The following DLG4 variants were observed in gnomAD, a reference collection of about 807,000 sequenced individuals.
DLG4 encodes the protein discs large MAGUK scaffold protein 4.
DLG4 carries 7 observed loss-of-function variants against 93.8 expected under a neutral mutation model. The ratio of observed to expected loss-of-function variants is 0.07; its 90% confidence interval spans 0.04 to 0.14. DLG4 has a LOEUF of 0.14. Ranked by LOEUF, DLG4 falls within the 10% of genes least tolerant of loss-of-function variation. The pLI is 1.00. For synonymous variants in DLG4, 341 were observed against 387.6 expected (o/e 0.88, Z 1.41); for missense variants, 545 against 992.9 (o/e 0.55, Z 6.06).
chr17:7,205,294 C>T, intron 2 of DLG4: 2 of 545,408 alleles, frequency 3.7e-6, no homozygotes, highest in Non-Finnish European at 2.3e-6. Context: ...TGACGTCAAT[C>T]GCCTGGTCTC....
chr17:7,193,765 GC>G lies in DLG4; in HGVS notation c.1544-52del. ...GGGGCTCTGAAACAGGGGACCTGGAGCCCTGTCTCCCCCTTGAGGATATCAA... is the reference window on the plus strand; with the variant it reads ...GGGGCTCTGAAACAGGGGACCTGGAGCCTGTCTCCCCCTTGAGGATATCAA... On this transcript the variant is annotated intron_variant, in intron 14 of 19. Transcript: ENST00000399506. The surrounding 1 kb of genome is among the most constrained non-coding windows in gnomAD (Gnocchi z 6.7). The G allele has an allele frequency of 6.2e-7, 1 of 1,609,958 alleles. No individual in the cohort carries two copies. Among genetic ancestry groups the G allele is most frequent in the South Asian group, 1.1e-5 (1 of 90,444 alleles).
Position 7,196,138 on chromosome 17 carries a change from A to T in DLG4, c.1301+82T>A, listed in dbSNP as rs2069768886. The T allele has an allele frequency of 3.9e-6, 4 of 1,028,734 alleles. No homozygotes were observed. Among genetic ancestry groups the T allele is most frequent in the Non-Finnish European group, 5.8e-6 (4 of 695,116 alleles). 63.7% of individuals were successfully genotyped at this position (1,028,734 alleles called of 1,614,324 possible). A position where few individuals can be genotyped will look rare whatever the true frequency, so the allele number is the denominator to read the frequency against. On this transcript the variant is annotated intron_variant, in intron 11 of 19. Coordinates refer to ENST00000399506, the MANE Select transcript of DLG4 (RefSeq NM_001321075.3). This position sits in a 1 kb window ranked among gnomAD's most constrained non-coding sequence, Gnocchi z 8.3. ...AGCTAGAGCAGGCAGGGTGGAGAAG[A>T]GGAGCGGCTGAGGCCCGGGCCAGGC...
Position 7,207,788 on chromosome 17 carries a change from C to G in DLG4, c.96+386G>C, listed in dbSNP as rs570871570. On this transcript the variant is annotated intron_variant, in intron 2 of 19. Transcript: ENST00000399506. The stretch of plus-strand genomic sequence containing the variant: ...GCATGCATGCACACACGCACAGGCA[C>G]ACACACAGCACACGCGCACAGGCAC... 6.6e-5 allele frequency among the ~76,000 whole-genome samples: 10 copies of G among 150,810 alleles called. No homozygotes were observed. The South Asian group carries it at 1.0e-3, about 16-fold the overall frequency.
chr17:7,192,894 G>C, intron 17 of DLG4, 51 bp downstream of exon 17: 2 of 1,529,644 alleles, frequency 1.3e-6, no homozygotes, highest in African/African-American at 1.4e-5. Flanking sequence ...GGGAGGCAGT[G>C]GGGTGGGGAG....
At chr17:7,198,534 T>C (rs1182015039) in intron 8 of DLG4, among the ~76,000 whole-genome samples, 1 of 146,818 alleles carries the variant, frequency 6.8e-6, no homozygotes, top group Non-Finnish European at 1.5e-5. Flanking sequence ...TGAAACCCTA[T>C]CTCTACAAAA....
chr17:7,202,512 T>C (rs1252844261), intron 8 of DLG4, among the ~76,000 whole-genome samples: 1 of 152,234 alleles, frequency 6.6e-6, no homozygotes, highest in Non-Finnish European at 1.5e-5. Context: ...TGTATCTCTA[T>C]TCAGAAGCAA....
In DLG4 at chr17:7,191,992, C is replaced by A; in HGVS notation, c.1877G>T (p.Cys626Phe). The A allele has an allele frequency of 6.9e-7, 1 of 1,441,324 alleles. No individual in the cohort carries two copies. The highest frequency in any genetic ancestry group is 1.6e-5 in the South Asian group (1 of 63,654). 89.3% of individuals were successfully genotyped at this position (1,441,324 alleles called of 1,614,324 possible). The change falls in exon 18 of 20, where the codon TGC (cysteine) becomes TTC (phenylalanine). Residue 626 changes from cysteine (C) to phenylalanine (F), a missense_variant. Cys to Phe is a radical substitution (Grantham distance 205, BLOSUM62 -2). This residue lies in a region of DLG4 where 428 missense variants were observed against 741.4 expected (regional missense o/e 0.58). Transcript: ENST00000399506. This position sits in a 1 kb window ranked among gnomAD's most constrained non-coding sequence, Gnocchi z 6.6. ...VREVAEQGKH[C>F]ILDVSANAVR... ...GGCATTGGCCGAGACATCGAGGATG[C>A]AGTGCTTCCCCTGGGGGCAGGCAGG... is the stretch of plus-strand genomic sequence containing the variant.
chr17:7,204,487 C>G (rs1003831676), intron 2 of DLG4: 3 of 458,230 alleles, frequency 6.5e-6, no homozygotes, highest in Non-Finnish European at 1.1e-5. Flanking sequence ...CTAACTCTGC[C>G]CAGCCCGGGG....
intron 2 of DLG4, chr17:7,205,164 G>A: frequency 1.0e-6 from 1 of 985,442 alleles, no homozygotes; most frequent in Non-Finnish European, 1.2e-6. Flanking sequence ...CTCACCCTAC[G>A]CAGTGCAAAG....
At chr17:7,218,803 C>A, upstream of DLG4, 1 of 1,613,570 alleles carries the variant, frequency 6.2e-7, no homozygotes, top group Non-Finnish European at 8.5e-7. Flanking sequence ...TCCCAGACCT[C>A]CCCTCCACAA....
intron 2 of DLG4, chr17:7,205,272 T>C: frequency 1.4e-6 from 1 of 728,058 alleles, no homozygotes; most frequent in Middle Eastern, 6.9e-4. Flanking sequence ...AAGTGGGGCG[T>C]GCCCAGGTCC....
In DLG4 at chr17:7,189,189, A is replaced by G. The variant is rs2069374579; in HGVS notation, c.*1519T>C. Reference sequence around the variant, plus strand: ...TCACACAGCAGTTCTTATCAGCAGAACTCTGTAAAGATCATTTCCAGGCCA... The same window carrying G: ...TCACACAGCAGTTCTTATCAGCAGAGCTCTGTAAAGATCATTTCCAGGCCA... On this transcript the variant is annotated 3_prime_UTR_variant, in exon 20 of 20. Transcript: ENST00000399506. Among the ~76,000 whole-genome samples, 1 of 149,826 alleles carries G rather than the reference A, an allele frequency of 6.7e-6. No individual in the cohort carries two copies. The highest frequency in any genetic ancestry group is 2.1e-4 in the South Asian group (1 of 4,732).
rs2070572716 is a variant in DLG4 at position 7,208,310 on chromosome 17, GC to G, written c.31-72del. On this transcript the variant is annotated intron_variant, in intron 1 of 19. Coordinates refer to ENST00000399506, the MANE Select transcript of DLG4 (RefSeq NM_001321075.3). This position sits in a 1 kb window ranked among gnomAD's most constrained non-coding sequence, Gnocchi z 5.4. ...AGGCTCCAGGCTGGCCGCCCTGGCC[GC>G]CGCCTCTTCCCCCAGCCAGTGCAGT... 1.6e-6 allele frequency: 2 copies of G among 1,260,190 alleles called. No individual in the cohort carries two copies. The highest frequency in any genetic ancestry group is 2.0e-6 in the Non-Finnish European group (2 of 981,876). 78.1% of individuals were successfully genotyped at this position (1,260,190 alleles called of 1,614,324 possible). A position where few individuals can be genotyped will look rare whatever the true frequency, so the allele number is the denominator to read the frequency against.
chr17:7,212,905 C>T (rs1597494267), intron 1 of DLG4, among the ~76,000 whole-genome samples: 2 of 151,974 alleles, frequency 1.3e-5, no homozygotes, highest in Non-Finnish European at 2.9e-5. Context: ...CGGTGGCAGG[C>T]GCCTGTAATC....
chr17:7,219,587 T>C, upstream of DLG4: 1 of 1,136,284 alleles, frequency 8.8e-7, no homozygotes, highest in Non-Finnish European at 1.1e-6. Flanking sequence ...CTCTGCCATC[T>C]ACCTTACACT....
At chr17:7,190,884 C>G (rs1182764869) in intron 19 of DLG4, 70 bp from the exon 20 acceptor site, 1 of 1,331,086 alleles carries the variant, frequency 7.5e-7, no homozygotes, top group Non-Finnish European at 1.1e-6. Context: ...GGGGGTTGCA[C>G]CAGCCCAGAG....
chr17:7,200,276 T>C (rs1346671692), intron 8 of DLG4, among the ~76,000 whole-genome samples: 1 of 152,162 alleles, frequency 6.6e-6, no homozygotes, highest in Non-Finnish European at 1.5e-5. Context: ...GTAGATTAAT[T>C]TGGAGCCGGT....
Position 7,193,154 on chromosome 17 carries a change from C to T in DLG4, c.1694-37G>A. On this transcript the variant is annotated intron_variant, in intron 16 of 19. Transcript: ENST00000399506. The surrounding 1 kb of genome is among the most constrained non-coding windows in gnomAD (Gnocchi z 6.7). ...TCACCCCACCCCCCAAAGATCTAACCACCATCCCTCTAGCTTAAATCCTGC... is the reference window on the plus strand; with the variant it reads ...TCACCCCACCCCCCAAAGATCTAACTACCATCCCTCTAGCTTAAATCCTGC... 6.2e-7 allele frequency: 1 copy of T among 1,610,616 alleles called. No individual in the cohort carries two copies. The highest frequency in any genetic ancestry group is 1.1e-5 in the South Asian group (1 of 90,740).
Position 7,215,831 on chromosome 17 carries a change from C to A in DLG4, c.30+1287G>T, listed in dbSNP as rs1311437447. 2.0e-5 allele frequency among the ~76,000 whole-genome samples: 3 copies of A among 150,506 alleles called. No individual in the cohort carries two copies. In the East Asian group the frequency reaches 5.9e-4, roughly 30 times the overall value. ...AAGCTGCAGTTCCCACTAAATATAA[C>A]CCCCTCCCCAGCCTGTGACTCACCC... On this transcript the variant is annotated intron_variant, in intron 1 of 19. Transcript: ENST00000399506.
Sources: allele counts gnomAD v4.1 joint callset (sites outside exome capture counted in the v4.1 genomes callset), GRCh38; gene constraint gnomAD v4.1.1; regional missense constraint gnomAD v4.1.1; non-coding constraint Gnocchi (gnomAD v3.1); transcripts MANE v1.5; gene names NCBI Gene and HGNC (gene_info 2026-07-23, HGNC 2026-07-21).